VPS13B: variants seen among roughly 807,000 people sequenced by gnomAD.
The protein encoded by VPS13B is vacuolar protein sorting 13 homolog B, also known as intermembrane lipid transfer protein VPS13B.
Under a neutral mutation model 426.4 loss-of-function variants are expected in VPS13B, and 285 were observed. The observed-to-expected ratio is 0.67, with a 90% CI of 0.61 to 0.74. The LOEUF (loss-of-function observed/expected upper bound fraction) is 0.74. Ranked by LOEUF, VPS13B falls within the 30% of genes least tolerant of loss-of-function variation. VPS13B has a pLI of 0.00. For missense variants in VPS13B, 4,537 were observed against 4,782.6 expected, an observed-to-expected ratio of 0.95 and a Z score of 1.51; for synonymous variants, 1,676 against 1,676.4, an observed-to-expected ratio of 1.00 and a Z score of 0.01.
intron 19 of VPS13B, among the ~76,000 whole-genome samples, chr8:99,338,115 T>G (rs1228184023): frequency 6.6e-6 from 1 of 152,188 alleles, no homozygotes; most frequent in Non-Finnish European, 1.5e-5. Flanking sequence ...TACCAAATCT[T>G]TGAATCAGGT....
chr8:99,085,514 T>G (rs1845730201), intron 3 of VPS13B, among the ~76,000 whole-genome samples: 1 of 151,946 alleles, frequency 6.6e-6, no homozygotes, highest in African/African-American at 2.4e-5. Flanking sequence ...TAGCTGATTA[T>G]TTTGTTAGTT....
At chr8:99,242,802 C>G (rs1817004616) in intron 17 of VPS13B, among the ~76,000 whole-genome samples, 1 of 152,032 alleles carries the variant, frequency 6.6e-6, no homozygotes, top group Admixed American at 6.6e-5. Context: ...TTATTGATAG[C>G]GTCAAACTTG....
chr8:99,159,725 T>C (rs1415421348), intron 15 of VPS13B, among the ~76,000 whole-genome samples: 3 of 152,194 alleles, frequency 2.0e-5, no homozygotes, highest in Non-Finnish European at 4.4e-5. Context: ...AGTGGCATGA[T>C]CTTGGCTCAC....
chr8:99,027,227 G>C (rs552595348), intron 2 of VPS13B, among the ~76,000 whole-genome samples: 1 of 151,920 alleles, frequency 6.6e-6, no homozygotes, highest in African/African-American at 2.4e-5. Flanking sequence ...TTTAATTGAG[G>C]ATTATAGTTT....
At chr8:99,506,048 G>C (rs1821480930) in intron 27 of VPS13B, among the ~76,000 whole-genome samples, 3 of 152,138 alleles carry the variant, frequency 2.0e-5, no homozygotes, top group East Asian at 3.9e-4. Context: ...TATTTGTTAA[G>C]ATGCCTGCAA....
chr8:99,502,948 C>G lies in VPS13B; in HGVS notation c.4155C>G (p.Ser1385Arg). 6.3e-7 allele frequency: 1 copy of G among 1,588,078 alleles called. No individual in the cohort carries two copies. Among genetic ancestry groups the G allele is most frequent in the South Asian group, 1.1e-5 (1 of 90,412 alleles). Residue 1385 changes from serine (S) to arginine (R), a missense_variant and splice_region_variant, in exon 27 of 62, where the codon AGC (serine) becomes AGG (arginine). Ser to Arg is a moderately radical substitution (Grantham distance 110). Transcript: ENST00000357162. ...IESFNIDHYR[S>R]RPGEGWQSGH... Reference sequence around the variant, plus strand: ...GTTTCAATATTGATCACTATAGAAGCAGGTAAATAATGAATAATGAATATA... The same window carrying G: ...GTTTCAATATTGATCACTATAGAAGGAGGTAAATAATGAATAATGAATATA...
chr8:99,536,500 T>C, intron 30 of VPS13B: 3 of 326,182 alleles, frequency 9.2e-6, no homozygotes, highest in South Asian at 7.9e-5. Context: ...TCAATTTCAC[T>C]TAATACCATA....
At chr8:99,253,304 A>T (rs568274263) in intron 17 of VPS13B, among the ~76,000 whole-genome samples, 1 of 152,194 alleles carries the variant, frequency 6.6e-6, no homozygotes, top group Admixed American at 6.5e-5. Flanking sequence ...GAACATTCTT[A>T]TATAAGCTTT....
intron 15 of VPS13B, among the ~76,000 whole-genome samples, chr8:99,160,690 A>C (rs1811603728): frequency 6.6e-6 from 1 of 151,706 alleles, no homozygotes; most frequent in Non-Finnish European, 1.5e-5. Context: ...AAAAAGCACT[A>C]ATTTTCATGT....
chr8:99,371,105 A>G (rs1813155567), intron 19 of VPS13B, among the ~76,000 whole-genome samples: 1 of 152,184 alleles, frequency 6.6e-6, no homozygotes, highest in Non-Finnish European at 1.5e-5. Flanking sequence ...ATCTCTGTTA[A>G]TGTCACAAGA....
intron 54 of VPS13B, among the ~76,000 whole-genome samples, chr8:99,838,029 T>C (rs983547377): frequency 1.3e-5 from 2 of 152,244 alleles, no homozygotes; most frequent in African/African-American, 4.8e-5. Context: ...ATGGATTGCA[T>C]GAGGAAATAT....
chr8:99,089,846 A>G (rs1187578608), intron 3 of VPS13B, among the ~76,000 whole-genome samples: 3 of 152,202 alleles, frequency 2.0e-5, no homozygotes, highest in Non-Finnish European at 2.9e-5. Context: ...ACAGCTTTAT[A>G]GGGCCATTTC....
chr8:99,119,848 C>G (rs1408089172), intron 7 of VPS13B, among the ~76,000 whole-genome samples: 1 of 151,372 alleles, frequency 6.6e-6, no homozygotes, highest in African/African-American at 2.4e-5. Flanking sequence ...AGTGAATATG[C>G]TGGAGACTAA....
intron 39 of VPS13B, among the ~76,000 whole-genome samples, chr8:99,745,230 A>G (rs1437428335): frequency 6.6e-6 from 1 of 151,990 alleles, no homozygotes; most frequent in Non-Finnish European, 1.5e-5. Flanking sequence ...ACTTCAAGTA[A>G]TTTTTTTGGA....
intron 12 of VPS13B, among the ~76,000 whole-genome samples, chr8:99,137,195 T>C (rs2132560679): frequency 6.6e-6 from 1 of 152,170 alleles, no homozygotes; most frequent in South Asian, 2.1e-4. Flanking sequence ...ATGTACCTTA[T>C]TATTGTATTA....
At chr8:99,087,157 G>A (rs1486814441) in intron 3 of VPS13B, among the ~76,000 whole-genome samples, 11 of 152,108 alleles carry the variant, frequency 7.2e-5, no homozygotes, top group South Asian at 4.1e-4. Context: ...CAGCAATGGC[G>A]GGCGCCCCCT....
At chr8:99,287,578 T>C (rs1819515511) in intron 19 of VPS13B, among the ~76,000 whole-genome samples, 1 of 151,920 alleles carries the variant, frequency 6.6e-6, no homozygotes, top group African/African-American at 2.4e-5. Context: ...TAAAATATTG[T>C]GAAAATATCT....
At chr8:99,139,151 A>G (rs1360903058) in intron 12 of VPS13B, among the ~76,000 whole-genome samples, 1 of 152,216 alleles carries the variant, frequency 6.6e-6, no homozygotes, top group African/African-American at 2.4e-5. Flanking sequence ...ACACCTGTGT[A>G]TTCTCCACGC....
chr8:99,206,973 G>T (rs1814765971), intron 17 of VPS13B, among the ~76,000 whole-genome samples: 2 of 152,148 alleles, frequency 1.3e-5, no homozygotes, highest in South Asian at 4.1e-4. Flanking sequence ...AAAATGAATT[G>T]AGTTAGATTT....
Sources: allele counts gnomAD v4.1 joint callset (sites outside exome capture counted in the v4.1 genomes callset), GRCh38; gene constraint gnomAD v4.1.1; transcripts MANE v1.5; gene names NCBI Gene and HGNC (gene_info 2026-07-23, HGNC 2026-07-21).